NXPH1: variants seen among roughly 807,000 people sequenced by gnomAD.
The protein encoded by NXPH1 is neurexophilin 1.
NXPH1 carries 5 observed loss-of-function variants against 23.7 expected under a neutral mutation model. That is an observed-to-expected ratio of 0.21 (90% CI 0.11 to 0.44). The LOEUF (loss-of-function observed/expected upper bound fraction) is 0.44, where lower values mean the gene tolerates loss of function less well. Ranked by LOEUF, NXPH1 falls within the 20% of genes least tolerant of loss-of-function variation. The pLI, the probability that NXPH1 is intolerant of heterozygous loss-of-function variation, is 0.99. For synonymous variants in NXPH1, 144 were observed against 122.2 expected, an observed-to-expected ratio of 1.18 and a Z score of -1.18; for missense variants, 324 against 321.6, an observed-to-expected ratio of 1.01 and a Z score of -0.06.
chr7:8,652,109 A>T (rs1379074767), intron 2 of NXPH1, among the ~76,000 whole-genome samples: 1 of 152,138 alleles, frequency 6.6e-6, no homozygotes, highest in Non-Finnish European at 1.5e-5. Context: ...TTTCTGGAGC[A>T]CCTAGCTTCA....
chr7:8,750,735 T>C (rs559162148), intron 2 of NXPH1, among the ~76,000 whole-genome samples: 3 of 152,182 alleles, frequency 2.0e-5, no homozygotes, highest in Non-Finnish European at 4.4e-5. Context: ...ATCTCCCTTC[T>C]TCCATTGTTA....
chr7:8,587,297 T>G (rs542981072), intron 2 of NXPH1, among the ~76,000 whole-genome samples: 87 of 77,676 alleles, frequency 1.1e-3, no homozygotes, highest in Non-Finnish European at 2.0e-3. Flanking sequence ...TTTTAAACTT[T>G]TTTTTTTTTT....
chr7:8,684,577 C>T (rs945667042), intron 2 of NXPH1, among the ~76,000 whole-genome samples: 3 of 152,170 alleles, frequency 2.0e-5, no homozygotes, highest in South Asian at 2.1e-4. Context: ...GCTTCATGAT[C>T]GTCTTGCTAA....
intron 2 of NXPH1, among the ~76,000 whole-genome samples, chr7:8,600,509 T>G (rs894646892): frequency 6.6e-6 from 1 of 152,204 alleles, no homozygotes; most frequent in Non-Finnish European, 1.5e-5. Flanking sequence ...CCTGTCACTG[T>G]GGTCAGATCT....
rs548200165 is a variant in NXPH1 at position 8,460,783 on chromosome 7, A to G, written c.54+25016A>G. Reference sequence around the variant, plus strand: ...AGTGTGAATCTCAGCACTCCCAATTATTGACCACCTATCTTTGGAAAAATT... The same window carrying G: ...AGTGTGAATCTCAGCACTCCCAATTGTTGACCACCTATCTTTGGAAAAATT... On this transcript the variant is annotated intron_variant, in intron 2 of 2. Coordinates refer to ENST00000405863, the MANE Select transcript of NXPH1 (RefSeq NM_152745.3). Among the ~76,000 whole-genome samples, 23 of 152,334 alleles carry G rather than the reference A, an allele frequency of 1.5e-4. 1 individual carries two copies. In the East Asian group the frequency reaches 3.3e-3, roughly 22 times the overall value.
intron 2 of NXPH1, among the ~76,000 whole-genome samples, chr7:8,735,054 G>A (rs1780225166): frequency 6.6e-6 from 1 of 152,068 alleles, no homozygotes; most frequent in Non-Finnish European, 1.5e-5. Flanking sequence ...GAGACCATGG[G>A]GTTTTCTAAA....
intron 2 of NXPH1, among the ~76,000 whole-genome samples, chr7:8,698,497 A>G (rs1351187952): frequency 3.3e-5 from 5 of 152,128 alleles, no homozygotes; most frequent in Non-Finnish European, 5.9e-5. Context: ...TGTAATTGCT[A>G]TCTTATTGAT....
intron 2 of NXPH1, among the ~76,000 whole-genome samples, chr7:8,485,403 G>C (rs374440599): frequency 7.2e-5 from 11 of 152,204 alleles, no homozygotes; most frequent in African/African-American, 2.2e-4. Context: ...AATACACCAA[G>C]CCGAAAACTG....
rs1477090028 is a variant in NXPH1 at position 8,634,518 on chromosome 7, G to C, written c.55-116490G>C. On this transcript the variant is annotated intron_variant, in intron 2 of 2. Transcript: ENST00000405863. ...ATACACCTGGATAATGATAAGGTTTGTTTTGTTTTGCTATCATACTCATCT... is the reference window on the plus strand; with the variant it reads ...ATACACCTGGATAATGATAAGGTTTCTTTTGTTTTGCTATCATACTCATCT... Among the ~76,000 whole-genome samples, 3 of 152,072 alleles carry C rather than the reference G, an allele frequency of 2.0e-5. No individual in the cohort carries two copies. The East Asian group carries it at 5.8e-4, about 29-fold the overall frequency.
At chr7:8,643,430 G>A (rs1210966193) in intron 2 of NXPH1, among the ~76,000 whole-genome samples, 1 of 152,060 alleles carries the variant, frequency 6.6e-6, no homozygotes, top group Non-Finnish European at 1.5e-5. Flanking sequence ...CTCAAAATAG[G>A]TGTTCTAAAG....
At chr7:8,699,773 G>A (rs369867279) in intron 2 of NXPH1, among the ~76,000 whole-genome samples, 45 of 152,098 alleles carry the variant, frequency 3.0e-4, no homozygotes, top group African/African-American at 9.2e-4. Flanking sequence ...GATTTTTAAC[G>A]TTTCCTTTTT....
chr7:8,605,228 G>A (rs2158326), intron 2 of NXPH1, among the ~76,000 whole-genome samples: 42,013 of 151,936 alleles, frequency 0.28, 6,285 homozygotes, highest in African/African-American at 0.36. Flanking sequence ...GTGTAATTTT[G>A]GCTCACTGGA....
chr7:8,532,468 T>G (rs12154637), intron 2 of NXPH1, among the ~76,000 whole-genome samples: 973 of 20,848 alleles, frequency 0.047, 14 homozygotes, highest in East Asian at 0.33. Flanking sequence ...ATATTTTTTT[T>G]GGGGGGGGGG....
At chr7:8,535,898 C>G (rs147975739) in intron 2 of NXPH1, among the ~76,000 whole-genome samples, 1 of 152,080 alleles carries the variant, frequency 6.6e-6, no homozygotes, top group Non-Finnish European at 1.5e-5. Context: ...CTGCTGTTTC[C>G]TTTGCCAGAA....
chr7:8,481,292 C>T (rs965110583), intron 2 of NXPH1, among the ~76,000 whole-genome samples: 8 of 152,010 alleles, frequency 5.3e-5, no homozygotes, highest in African/African-American at 1.9e-4. Context: ...TCACATGAGG[C>T]CATAGTGCAT....
chr7:8,458,356 G>C (rs1197760408), intron 2 of NXPH1, among the ~76,000 whole-genome samples: 4 of 152,132 alleles, frequency 2.6e-5, no homozygotes, highest in Non-Finnish European at 5.9e-5. Context: ...ATATATACTG[G>C]ACCATAATTA....
At chr7:8,576,419 T>C (rs1220859930) in intron 2 of NXPH1, among the ~76,000 whole-genome samples, 1 of 152,152 alleles carries the variant, frequency 6.6e-6, no homozygotes, top group Admixed American at 6.5e-5. Context: ...CATGGTGCTA[T>C]CATGTGTATA....
chr7:8,691,525 T>A (rs1821221389), intron 2 of NXPH1, among the ~76,000 whole-genome samples: 1 of 151,412 alleles, frequency 6.6e-6, no homozygotes, highest in Admixed American at 6.6e-5. Context: ...GTAAACATGA[T>A]TTTTTTAAAA....
At chr7:8,645,059 A>G (rs1422092236) in intron 2 of NXPH1, among the ~76,000 whole-genome samples, 4 of 152,330 alleles carry the variant, frequency 2.6e-5, no homozygotes, top group Non-Finnish European at 4.4e-5. Flanking sequence ...CTGAATAAAA[A>G]TAGTGCTCGT....
Sources: gnomAD v4.1 joint callset for allele counts (sites outside exome capture counted in the v4.1 genomes callset) on GRCh38, gnomAD v4.1.1 for gene constraint, MANE v1.5 for transcripts, NCBI Gene and HGNC (gene_info 2026-07-23, HGNC 2026-07-21) for gene names.